The following SIAE variants were observed in gnomAD, a reference collection of about 807,000 sequenced individuals.
SIAE encodes the protein sialic acid acetylesterase.
A neutral mutation model predicts 52.6 loss-of-function variants in SIAE; 39 were observed. That is an observed-to-expected ratio of 0.74 (90% CI 0.57 to 0.97). SIAE has a LOEUF of 0.97. Among genes scored for constraint, SIAE ranks in the 50% least tolerant of loss-of-function variants. The probability of loss-of-function intolerance (pLI) is 0.00; values close to 1 mark genes in which losing one functional copy is unlikely to be tolerated. For missense variants in SIAE, 592 were observed against 662.1 expected (o/e 0.89, Z 1.16); for synonymous variants, 233 against 241.4 (o/e 0.97, Z 0.32).
chr11:124,658,500 C>T (rs1437442100), intron 3 of SIAE, among the ~76,000 whole-genome samples: 1 of 152,102 alleles, frequency 6.6e-6, no homozygotes, highest in African/African-American at 2.4e-5. Flanking sequence ...AAATGGGTTT[C>T]CTGATGGATA....
intron 7 of SIAE, among the ~76,000 whole-genome samples, chr11:124,642,584 T>G (rs139051847): frequency 1.3e-5 from 2 of 152,164 alleles, no homozygotes; most frequent in Non-Finnish European, 2.9e-5. Context: ...TATGAGGATA[T>G]CTGGGTATGT....
At position 124,638,620 on chromosome 11, in the gene SIAE, G is replaced by C. The variant is rs775630164; in HGVS notation, c.1242C>G (p.Leu414=). ...GATTGAGCAGCCCCTTGTGAGCCAA[G>C]AGTTCTATCTTCTCAGGCAGTGGTC... ...FEGPLPEKIE[L]LAHKGLLNLT... is the part of the protein sequence containing the mutation. The change falls in exon 9 of 10, where the codon CTC becomes CTG. Residue 414 remains leucine (L), a synonymous_variant. Transcript: ENST00000263593. 6.2e-7 allele frequency: 1 copy of C among 1,614,152 alleles called. No homozygotes were observed. The highest frequency in any genetic ancestry group is 1.6e-4 in the Middle Eastern group (1 of 6,062).
At chr11:124,651,207 A>G (rs1482864958) in intron 4 of SIAE, among the ~76,000 whole-genome samples, 1 of 152,174 alleles carries the variant, frequency 6.6e-6, no homozygotes, top group Non-Finnish European at 1.5e-5. Flanking sequence ...TGAAAGCAAT[A>G]TAGAGACACA....
intron 5 of SIAE, 101 bp from the exon 6 acceptor site, chr11:124,648,276 T>C (rs901330853): frequency 1.2e-6 from 1 of 818,014 alleles, no homozygotes; most frequent in African/African-American, 1.7e-5. Flanking sequence ...GGTAAACTTC[T>C]GATGAAAGCA....
chr11:124,661,208 G>A (rs150066778), intron 2 of SIAE, among the ~76,000 whole-genome samples: 2 of 152,210 alleles, frequency 1.3e-5, no homozygotes, highest in African/African-American at 4.8e-5. Flanking sequence ...TCAATTGAAT[G>A]TGACCACAGG....
At position 124,635,608 on chromosome 11, in the gene SIAE, T is replaced by G. The variant is rs1405787073; in HGVS notation, c.*1343A>C. On this transcript the variant is annotated 3_prime_UTR_variant, in exon 10 of 10. Transcript: ENST00000263593. ...AAATTTACATATGATTTCATTAATA[T>G]ATTCACTATCTAAACCATATTTTTT... 1 of 152,252 alleles carries G rather than the reference T, an allele frequency of 6.6e-6. No individual in the cohort carries two copies. Among genetic ancestry groups the G allele is most frequent in the African/African-American group, 2.4e-5 (1 of 41,476 alleles). The allele number at this position is 152,252 out of a possible 1,614,324, so 9.4% of individuals were successfully genotyped here.
intron 1 of SIAE, among the ~76,000 whole-genome samples, chr11:124,669,901 G>A (rs1276595384): frequency 2.6e-5 from 4 of 152,102 alleles, no homozygotes; most frequent in African/African-American, 4.8e-5. Context: ...TGGTGTTTAT[G>A]AGAAAAATAA....
In SIAE at chr11:124,633,791, G is replaced by C. The variant is rs1047175919; in HGVS notation, c.*3160C>G. On this transcript the variant is annotated 3_prime_UTR_variant, in exon 10 of 10. Coordinates refer to ENST00000263593, the MANE Select transcript of SIAE (RefSeq NM_170601.5). Reference sequence around the variant, plus strand: ...TCTGCATAAATGGCTTGAGCATACTGGCATTTACACAGAAATGATATATGC... The same window carrying C: ...TCTGCATAAATGGCTTGAGCATACTCGCATTTACACAGAAATGATATATGC... 6.6e-6 allele frequency: 1 copy of C among 152,102 alleles called. No homozygotes were observed. Among genetic ancestry groups the C allele is most frequent in the African/African-American group, 2.4e-5 (1 of 41,416 alleles). The allele number at this position is 152,102 out of a possible 1,614,324, so 9.4% of individuals were successfully genotyped here.
intron 2 of SIAE, among the ~76,000 whole-genome samples, chr11:124,666,549 C>A (rs1246096387): frequency 6.6e-6 from 1 of 152,154 alleles, no homozygotes; most frequent in Admixed American, 6.5e-5. Flanking sequence ...AAATAGGTCC[C>A]CACCACCACC....
At chr11:124,673,527 G>T in intron 1 of SIAE, 115 bp downstream of exon 1, 1 of 1,268,352 alleles carries the variant, frequency 7.9e-7, no homozygotes, top group Non-Finnish European at 1.1e-6. Flanking sequence ...AGCCTAGCTA[G>T]GTTCCTTCGT....
intron 2 of SIAE, among the ~76,000 whole-genome samples, chr11:124,661,906 T>A (rs773854783): frequency 2.6e-5 from 4 of 152,226 alleles, no homozygotes; most frequent in Admixed American, 1.3e-4. Context: ...TCCAAGGGCC[T>A]ACTATGTGCT....
chr11:124,655,190 T>G (rs1417057006), intron 3 of SIAE, among the ~76,000 whole-genome samples: 4 of 144,136 alleles, frequency 2.8e-5, no homozygotes, highest in African/African-American at 5.8e-5. Context: ...TTTTTTTTTT[T>G]GTGTGTGAGA....
chr11:124,655,081 C>G (rs1471140133), intron 3 of SIAE, among the ~76,000 whole-genome samples: 1 of 152,078 alleles, frequency 6.6e-6, no homozygotes, highest in Non-Finnish European at 1.5e-5. Context: ...AAGAATATTG[C>G]CCAGCACTTA....
chr11:124,661,252 C>T (rs1057514037), intron 2 of SIAE, among the ~76,000 whole-genome samples: 1 of 152,182 alleles, frequency 6.6e-6, no homozygotes, highest in Non-Finnish European at 1.5e-5. Context: ...GGAACTTCCC[C>T]TGGCTTGACA....
chr11:124,646,582 G>C (rs1235342789), intron 7 of SIAE, among the ~76,000 whole-genome samples: 1 of 152,150 alleles, frequency 6.6e-6, no homozygotes, highest in Non-Finnish European at 1.5e-5. Context: ...AAGTTGGGGA[G>C]GGGGTGGGGA....
At chr11:124,663,835 G>A (rs1033736424) in intron 2 of SIAE, among the ~76,000 whole-genome samples, 1 of 152,162 alleles carries the variant, frequency 6.6e-6, no homozygotes, top group African/African-American at 2.4e-5. Flanking sequence ...CCATAAGCTG[G>A]AGTCCAAATA....
chr11:124,656,683 C>G (rs1005260683), intron 3 of SIAE, among the ~76,000 whole-genome samples: 3 of 152,090 alleles, frequency 2.0e-5, no homozygotes, highest in Non-Finnish European at 4.4e-5. Context: ...ACAAATATAT[C>G]AGAAATATTT....
chr11:124,662,757 T>C (rs1943207052), intron 2 of SIAE, among the ~76,000 whole-genome samples: 1 of 152,110 alleles, frequency 6.6e-6, no homozygotes, highest in Admixed American at 6.6e-5. Context: ...GAAACCTCCT[T>C]CCAACTTCCT....
At chr11:124,649,501 A>T in intron 5 of SIAE, 118 bp downstream of exon 5, 1 of 1,073,322 alleles carries the variant, frequency 9.3e-7, no homozygotes, top group Non-Finnish European at 1.4e-6. Context: ...TAAATTACAT[A>T]CATTCAACAC....
Sources: gnomAD v4.1 joint callset for allele counts (sites outside exome capture counted in the v4.1 genomes callset) on GRCh38, gnomAD v4.1.1 for gene constraint, MANE v1.5 for transcripts, NCBI Gene and HGNC (gene_info 2026-07-23, HGNC 2026-07-21) for gene names.